SPIRE1: variants seen among roughly 807,000 people sequenced by gnomAD.
SPIRE1 encodes protein spire homolog 1.
SPIRE1 carries 40 observed loss-of-function variants against 94.1 expected under a neutral mutation model. That is an observed-to-expected ratio of 0.43 (90% confidence interval 0.33 to 0.55). The LOEUF (loss-of-function observed/expected upper bound fraction) is 0.55. Ranked by LOEUF, SPIRE1 falls within the 20% of genes least tolerant of loss-of-function variation. The pLI, the probability that SPIRE1 is intolerant of heterozygous loss-of-function variation, is 0.06. For synonymous variants in SPIRE1, 376 were observed against 371.7 expected, an observed-to-expected ratio of 1.01 and a Z score of -0.13; for missense variants, 838 against 975.2, an observed-to-expected ratio of 0.86 and a Z score of 1.87.
intron 2 of SPIRE1, among the ~76,000 whole-genome samples, chr18:12,597,911 A>G (rs2036722853): frequency 1.3e-5 from 2 of 152,174 alleles, no homozygotes; most frequent in Admixed American, 1.3e-4. Flanking sequence ...ACTCATGTCT[A>G]GATGTAAGAC....
At chr18:12,541,943 TC>T (rs1381239155) in intron 3 of SPIRE1, among the ~76,000 whole-genome samples, 5 of 151,378 alleles carry the variant, frequency 3.3e-5, no homozygotes, top group African/African-American at 9.7e-5. Flanking sequence ...TTGTAATACT[TC>T]AAATTATAGC....
intron 1 of SPIRE1, among the ~76,000 whole-genome samples, chr18:12,639,146 G>C (rs1350754004): frequency 6.6e-6 from 1 of 151,618 alleles, no homozygotes; most frequent in Non-Finnish European, 1.5e-5. Context: ...TTTTGAGACG[G>C]AGTCTCGCTC....
intron 8 of SPIRE1, among the ~76,000 whole-genome samples, chr18:12,489,246 G>GA (rs994473653): frequency 6.6e-6 from 1 of 151,600 alleles, no homozygotes; most frequent in Non-Finnish European, 1.5e-5. Context: ...AAAAAGTAAA[G>GA]AAAAAAAACA....
intron 5 of SPIRE1, among the ~76,000 whole-genome samples, chr18:12,510,288 G>A (rs556243064): frequency 1.3e-5 from 2 of 152,064 alleles, no homozygotes; most frequent in East Asian, 3.9e-4. Flanking sequence ...TTTGATTGTG[G>A]TGATGGTTTC....
chr18:12,461,047 G>C (rs755001768), intron 12 of SPIRE1, among the ~76,000 whole-genome samples: 2 of 152,022 alleles, frequency 1.3e-5, no homozygotes, highest in Non-Finnish European at 2.9e-5. Flanking sequence ...CTCAGTGATT[G>C]CAAGTTAGTT....
chr18:12,619,789 T>G (rs2037414047), intron 2 of SPIRE1, among the ~76,000 whole-genome samples: 1 of 141,132 alleles, frequency 7.1e-6, no homozygotes, highest in Non-Finnish European at 1.5e-5. Context: ...GAGATTGTGG[T>G]GAGCCAAGAT....
chr18:12,592,448 G>C (rs2036561411), intron 2 of SPIRE1, among the ~76,000 whole-genome samples: 1 of 152,162 alleles, frequency 6.6e-6, no homozygotes, highest in Non-Finnish European at 1.5e-5. Flanking sequence ...ATAAATGTGA[G>C]TTTACAGATC....
chr18:12,541,057 T>G (rs2035001377), intron 3 of SPIRE1, among the ~76,000 whole-genome samples: 1 of 152,206 alleles, frequency 6.6e-6, no homozygotes, highest in South Asian at 2.1e-4. Context: ...GGTCACGCAT[T>G]TGTTATTATT....
chr18:12,527,593 C>T lies in SPIRE1; in HGVS notation c.729+7883G>A, dbSNP rs577432351. 2.4e-4 allele frequency among the ~76,000 whole-genome samples: 36 copies of T among 152,256 alleles called. No homozygotes were observed. The South Asian group carries it at 7.5e-3, about 32-fold the overall frequency. ...ATGAAAATAAAGCAGCATTCAATTTCAACCCCCAGCCCTCAGGTTCCCACT... is the reference window on the plus strand; with the variant it reads ...ATGAAAATAAAGCAGCATTCAATTTTAACCCCCAGCCCTCAGGTTCCCACT... On this transcript the variant is annotated intron_variant, in intron 4 of 16. Coordinates refer to ENST00000409402, the MANE Select transcript of SPIRE1 (RefSeq NM_001128626.2).
At chr18:12,503,601 T>C (rs1333916685) in intron 6 of SPIRE1, among the ~76,000 whole-genome samples, 2 of 152,164 alleles carry the variant, frequency 1.3e-5, no homozygotes, top group African/African-American at 4.8e-5. Flanking sequence ...TCTTTGGATA[T>C]GTTGGGTTTT....
chr18:12,485,702 A>T (rs1458887311), intron 9 of SPIRE1, among the ~76,000 whole-genome samples: 1 of 152,202 alleles, frequency 6.6e-6, no homozygotes, highest in Admixed American at 6.5e-5. Context: ...TAAGATGGGC[A>T]CCATCTTCTA....
At chr18:12,497,046 C>G (rs892593870) in intron 6 of SPIRE1, among the ~76,000 whole-genome samples, 1 of 151,908 alleles carries the variant, frequency 6.6e-6, no homozygotes. Context: ...CCAGCCTAGG[C>G]AACAGAGCAA....
At chr18:12,535,402 G>C (rs1357490201) in intron 4 of SPIRE1, 74 bp downstream of exon 4, 15 of 1,478,868 alleles carry the variant, frequency 1.0e-5, no homozygotes, top group Non-Finnish European at 1.4e-5. Flanking sequence ...TGAAAATTTA[G>C]GTTTCTCTTC....
At chr18:12,463,527 G>A (rs2031962189) in intron 11 of SPIRE1, 34 bp from the exon 12 acceptor site, 2 of 1,570,760 alleles carry the variant, frequency 1.3e-6, no homozygotes, top group Non-Finnish European at 1.7e-6. Context: ...AAAACTTACT[G>A]TGAATTTTCT....
chr18:12,537,349 A>G (rs1276537469), intron 3 of SPIRE1, among the ~76,000 whole-genome samples: 1 of 152,250 alleles, frequency 6.6e-6, no homozygotes, highest in Non-Finnish European at 1.5e-5. Flanking sequence ...CCAGTCACAT[A>G]AAGAAATGGC....
At chr18:12,545,048 T>C (rs904582686) in intron 3 of SPIRE1, among the ~76,000 whole-genome samples, 14 of 152,238 alleles carry the variant, frequency 9.2e-5, no homozygotes, top group Non-Finnish European at 1.9e-4. Context: ...TGCTACTTAA[T>C]GTAAAATGTT....
intron 10 of SPIRE1, among the ~76,000 whole-genome samples, chr18:12,465,945 G>A (rs12967638): frequency 0.01 from 1,539 of 152,010 alleles, 12 homozygotes; most frequent in African/African-American, 0.012. Flanking sequence ...TGAGCCAGGC[G>A]TGGTGGCACG....
intron 1 of SPIRE1, among the ~76,000 whole-genome samples, chr18:12,639,251 C>A (rs887636035): frequency 1.3e-5 from 2 of 150,372 alleles, no homozygotes; most frequent in African/African-American, 4.9e-5. Context: ...GGCGAGACAG[C>A]GCCACTCCAT....
Position 12,506,614 on chromosome 18 carries a change from C to G in SPIRE1, c.835G>C (p.Asp279His). The G allele has an allele frequency of 6.2e-7, 1 of 1,614,092 alleles. No homozygotes were observed. Among genetic ancestry groups the G allele is most frequent in the Non-Finnish European group, 8.5e-7 (1 of 1,179,982 alleles). The change falls in exon 6 of 17, where the codon GAT becomes CAT. Residue 279 changes from aspartate to histidine, a missense_variant. Around this residue, in one of 2 missense-constraint regions of SPIRE1, gnomAD observed 645 missense variants for 804.7 expected, o/e 0.80. Transcript: ENST00000409402. ...WARFWVQVMR[D>H]LRNGVKLKKV... ...TTAAGTTTTACCCCATTCCTCAAAT[C>G]CCTCATCACCTGTACCCAGAATCGT...
Sources: allele counts gnomAD v4.1 joint callset (sites outside exome capture counted in the v4.1 genomes callset), GRCh38; gene constraint gnomAD v4.1.1; regional missense constraint gnomAD v4.1.1; transcripts MANE v1.5; gene names NCBI Gene and HGNC (gene_info 2026-07-23, HGNC 2026-07-21).